Variants in TRPM7 observed in about 807,000 individuals in gnomAD.
TRPM7 encodes the protein transient receptor potential cation channel subfamily M member 7, also known as LTRPC ion channel family member 7.
Under a neutral mutation model 229.7 loss-of-function variants are expected in TRPM7, and 134 were observed. The observed-to-expected ratio is 0.58, with a 90% confidence interval of 0.51 to 0.67. The LOEUF is 0.67. Among genes scored for constraint, TRPM7 ranks in the 30% least tolerant of loss-of-function variants. The pLI is 0.00. For missense variants in TRPM7, 1,901 were observed against 2,210.0 expected (o/e 0.86, Z 2.80); for synonymous variants, 699 against 715.2 (o/e 0.98, Z 0.36).
chr15:50,632,229 G>T (rs2060759692), intron 9 of TRPM7, among the ~76,000 whole-genome samples: 1 of 151,880 alleles, frequency 6.6e-6, no homozygotes, highest in Non-Finnish European at 1.5e-5. Context: ...GGAGACAGAG[G>T]TTGCAGTGAG....
Position 50,624,134 on chromosome 15 carries a change from G to A in TRPM7, c.1440+32C>T, listed in dbSNP as rs974409331. The A allele has an allele frequency of 2.5e-6, 4 of 1,577,626 alleles. No homozygotes were observed. In the South Asian group the frequency reaches 3.6e-5, roughly 14 times the overall value. ...AGTAACATTTCCCAAAAGATAAAAT[G>A]TAGTCAATAAAGAATTTTAATGTAG... On this transcript the variant is annotated intron_variant, in intron 12 of 38. Transcript: ENST00000646667.
At chr15:50,596,808 T>C (rs1438365092) in intron 22 of TRPM7, among the ~76,000 whole-genome samples, 1 of 152,170 alleles carries the variant, frequency 6.6e-6, no homozygotes, top group African/African-American at 2.4e-5. Flanking sequence ...TGGAGTGCAG[T>C]GGCGCGATCT....
intron 4 of TRPM7, among the ~76,000 whole-genome samples, chr15:50,648,401 A>T (rs1435267233): frequency 6.6e-6 from 1 of 152,240 alleles, no homozygotes; most frequent in Non-Finnish European, 1.5e-5. Context: ...GACATCTCTT[A>T]AACATAAAAG....
In TRPM7 at chr15:50,619,759, G is replaced by T; in HGVS notation, c.1480C>A (p.Arg494=). The part of the protein sequence containing the change: ...PTNPMLFHLV[R]DVKQGNLPPG... ...TAATCTCTTACCTGTTTGACGTCTC[G>T]AACAAGATGAAACAGCATTGGATTA... Residue 494 remains arginine (R), a synonymous_variant, in exon 13 of 39, where the codon CGA becomes AGA. Coordinates refer to ENST00000646667, the MANE Select transcript of TRPM7 (RefSeq NM_017672.6). The T allele has an allele frequency of 6.3e-7, 1 of 1,594,860 alleles. No individual in the cohort carries two copies. Among genetic ancestry groups the T allele is most frequent in the Admixed American group, 1.8e-5 (1 of 56,088 alleles).
At chr15:50,605,928 G>A (rs998219260) in intron 20 of TRPM7, among the ~76,000 whole-genome samples, 21 of 151,976 alleles carry the variant, frequency 1.4e-4, no homozygotes, top group African/African-American at 4.8e-4. Flanking sequence ...CTTCTGGTTC[G>A]AGTTGGTGTT....
chr15:50,678,747 A>C (rs1235600289), intron 1 of TRPM7, among the ~76,000 whole-genome samples: 1 of 152,102 alleles, frequency 6.6e-6, no homozygotes, highest in Non-Finnish European at 1.5e-5. Context: ...TAAAAACTTA[A>C]GGCCAGGTGC....
chr15:50,628,496 C>T (rs1055141572), intron 10 of TRPM7, among the ~76,000 whole-genome samples: 1 of 152,054 alleles, frequency 6.6e-6, no homozygotes, highest in Non-Finnish European at 1.5e-5. Context: ...TTTGTAGAGA[C>T]AGTCTCACTC....
At chr15:50,657,022 C>T (rs983448702) in intron 3 of TRPM7, among the ~76,000 whole-genome samples, 1 of 152,094 alleles carries the variant, frequency 6.6e-6, no homozygotes, top group Admixed American at 6.6e-5. Context: ...ATGCAAACTG[C>T]TCTTACAAAA....
intron 29 of TRPM7, chr15:50,582,318 T>A (rs2054460479): frequency 6.6e-6 from 1 of 152,154 alleles, no homozygotes; most frequent in South Asian, 2.1e-4. Flanking sequence ...TTGAATAGTA[T>A]CTCCTTCTTT....
chr15:50,567,621 C>T (rs77962442), intron 38 of TRPM7, among the ~76,000 whole-genome samples: 1 of 151,642 alleles, frequency 6.6e-6, no homozygotes, highest in Non-Finnish European at 1.5e-5. Context: ...ATATGTATCA[C>T]AACAAAGTGT....
In TRPM7 at chr15:50,613,656, TAGAA is replaced by T. The variant is rs546827613; in HGVS notation, c.1770+47_1770+50del. On this transcript the variant is annotated intron_variant, in intron 15 of 38. Transcript: ENST00000646667. Reference sequence around the variant, plus strand: ...TTTTGTTTAATAATACTAAGTAATTTAGAAAGAAGAAAATAAAAACCCAGAAAGA... The same window carrying T: ...TTTTGTTTAATAATACTAAGTAATTTAGAAGAAAATAAAAACCCAGAAAGA... The T allele has an allele frequency of 2.4e-4, 346 of 1,432,254 alleles. 1 individual carries two copies. The African/African-American group carries it at 4.7e-3, about 20-fold the overall frequency. 88.7% of individuals were successfully genotyped at this position (1,432,254 alleles called of 1,614,324 possible). A position where few individuals can be genotyped will look rare whatever the true frequency, so the allele number is the denominator to read the frequency against.
intron 4 of TRPM7, among the ~76,000 whole-genome samples, chr15:50,644,038 T>A (rs926686878): frequency 6.6e-6 from 1 of 152,208 alleles, no homozygotes. Context: ...ATCTAGTCCA[T>A]TTATAAATGA....
In TRPM7 at chr15:50,648,832, G is replaced by GC. The variant is rs557159266; in HGVS notation, c.175dup (p.Ala59GlyfsTer11). 1 of 1,612,636 alleles carries GC rather than the reference G, an allele frequency of 6.2e-7. No individual in the cohort carries two copies. The highest frequency in any genetic ancestry group is 8.5e-7 in the Non-Finnish European group (1 of 1,179,224). On this transcript the variant is annotated frameshift_variant, in exon 4 of 39. Transcript: ENST00000646667. LOFTEE classifies it high-confidence loss of function. Reference sequence around the variant, plus strand: ...CAATTTCACATCTGAGTATTTCATGGCAAGACTTGCAGTAAAACAAGCATG... The same window carrying GC: ...CAATTTCACATCTGAGTATTTCATGGCCAAGACTTGCAGTAAAACAAGCATG...
At chr15:50,568,230 C>T (rs79914634) in intron 38 of TRPM7, among the ~76,000 whole-genome samples, 4 of 151,536 alleles carry the variant, frequency 2.6e-5, no homozygotes, top group Non-Finnish European at 4.4e-5. Context: ...AATGCCTTCC[C>T]CTTAACATCA....
chr15:50,606,400 A>C lies in TRPM7; in HGVS notation c.2709+800T>G, dbSNP rs139862587. 4.0e-3 allele frequency among the ~76,000 whole-genome samples: 607 copies of C among 152,260 alleles called. 5 individuals carry two copies. Among genetic ancestry groups the C allele is most frequent in the African/African-American group, 0.014 (573 of 41,546 alleles). On this transcript the variant is annotated intron_variant, in intron 20 of 38. Coordinates refer to ENST00000646667, the MANE Select transcript of TRPM7 (RefSeq NM_017672.6). ...TCTCAAAACAAACAAACAAACAAAC[A>C]AACAAAACCCAATATTCATGTAGCT...
In TRPM7 at chr15:50,634,422, C is replaced by G; in HGVS notation, c.967G>C (p.Asp323His). 1 of 1,587,266 alleles carries G rather than the reference C, an allele frequency of 6.3e-7. No individual in the cohort carries two copies. Among genetic ancestry groups the G allele is most frequent in the East Asian group, 2.4e-5 (1 of 42,176 alleles). ...TGTTTATGAATATACGCTAGCAGAT[C>G]TGCAGCTCTGCCTGTTCCTTCACAC... ...VVCEGTGRAA[D>H]LLAYIHKQTE... Residue 323 changes from aspartate (D) to histidine (H), a missense_variant, in exon 8 of 39, where the codon GAT becomes CAT. Asp to His is a moderately conservative substitution (Grantham distance 81, BLOSUM62 -1). Around this residue, in one of 8 missense-constraint regions of TRPM7, gnomAD observed 794 missense variants for 881.9 expected, o/e 0.90. Coordinates refer to ENST00000646667, the MANE Select transcript of TRPM7 (RefSeq NM_017672.6).
rs868100000 is a variant in TRPM7, at chr15:50,572,536, T to C, written c.5308+1738A>G. Among the ~76,000 whole-genome samples the C allele has an allele frequency of 2.6e-5, 4 of 152,264 alleles. No homozygotes were observed. In the South Asian group the frequency reaches 8.3e-4, roughly 31 times the overall value. On this transcript the variant is annotated intron_variant, in intron 36 of 38. Transcript: ENST00000646667. ...GTATAGTGTAAATTTAACTTTTATA[T>C]GTACTGCAAATCCAAAAAATTCATG...
At chr15:50,618,992 GGA>G (rs2060311570) in intron 13 of TRPM7, among the ~76,000 whole-genome samples, 2 of 151,968 alleles carry the variant, frequency 1.3e-5, no homozygotes, top group Non-Finnish European at 2.9e-5. Context: ...TTTTTAAAGG[GGA>G]GAGAGTTTTC....
rs769033843 is a variant in TRPM7 at position 50,568,701 on chromosome 15, G to A, written c.5467+1186C>T. ...TTTCAAAAATACACAAGGGCTGGGCGTGGTGGCTCACGCCTGTAATCCTAG... is the reference window on the plus strand; with the variant it reads ...TTTCAAAAATACACAAGGGCTGGGCATGGTGGCTCACGCCTGTAATCCTAG... On this transcript the variant is annotated intron_variant, in intron 38 of 38. Coordinates refer to ENST00000646667, the MANE Select transcript of TRPM7 (RefSeq NM_017672.6). 8.5e-5 allele frequency among the ~76,000 whole-genome samples: 13 copies of A among 152,086 alleles called. 1 individual carries two copies. Among genetic ancestry groups the A allele is most frequent in the African/African-American group, 3.1e-4 (13 of 41,404 alleles).
Sources: gnomAD v4.1 joint callset for allele counts (sites outside exome capture counted in the v4.1 genomes callset) on GRCh38, gnomAD v4.1.1 for gene constraint, gnomAD v4.1.1 regional missense constraint, MANE v1.5 for transcripts, NCBI Gene and HGNC (gene_info 2026-07-23, HGNC 2026-07-21) for gene names.